ADAMTS16: variants seen among roughly 807,000 people sequenced by gnomAD.
ADAMTS16 encodes ADAM metallopeptidase with thrombospondin type 1 motif 16.
In ADAMTS16, 94 loss-of-function variants were observed where a neutral mutation model predicts 145.8. The ratio of observed to expected loss-of-function variants is 0.64; its 90% confidence interval spans 0.55 to 0.77. The LOEUF (loss-of-function observed/expected upper bound fraction) is 0.77, where lower values mean the gene tolerates loss of function less well. Ranked by LOEUF, ADAMTS16 falls within the 30% of genes least tolerant of loss-of-function variation. The pLI, the probability that ADAMTS16 is intolerant of heterozygous loss-of-function variation, is 0.00. For missense variants in ADAMTS16, 1,585 were observed against 1,591.5 expected, an observed-to-expected ratio of 1.00 and a Z score of 0.07; for synonymous variants, 659 against 604.3, an observed-to-expected ratio of 1.09 and a Z score of -1.33.
At chr5:5,268,838 C>T (rs1738357284) in intron 18 of ADAMTS16, among the ~76,000 whole-genome samples, 1 of 152,176 alleles carries the variant, frequency 6.6e-6, no homozygotes, top group Non-Finnish European at 1.5e-5. Context: ...GCTGCAGCCC[C>T]TCAGGCAGGG....
intron 7 of ADAMTS16, 55 bp from the exon 8 acceptor site, chr5:5,191,630 T>C: frequency 1.4e-6 from 2 of 1,381,088 alleles, no homozygotes; most frequent in South Asian, 1.2e-5. Flanking sequence ...AAATATACTA[T>C]GCTTTATTTT....
At chr5:5,149,362 T>G (rs1052100892) in intron 3 of ADAMTS16, among the ~76,000 whole-genome samples, 1 of 152,140 alleles carries the variant, frequency 6.6e-6, no homozygotes, top group Admixed American at 6.5e-5. Flanking sequence ...AGTACTTGGT[T>G]AAATAATGGA....
rs372773079 is a variant in ADAMTS16, at chr5:5,222,839, T to C, written c.1656T>C (p.Thr552=). Reference sequence around the variant, plus strand: ...ATCGTATTGGAAGGAAATGTGAGACTAAATTTATGCCAGCAGCAGAAGGCA... The same window carrying C: ...ATCGTATTGGAAGGAAATGTGAGACCAAATTTATGCCAGCAGCAGAAGGCA... ...WCHRIGRKCE[T]KFMPAAEGTI... Residue 552 remains threonine, a synonymous_variant, in exon 11 of 23, where the codon ACT becomes ACC. Coordinates refer to ENST00000274181, the MANE Select transcript of ADAMTS16 (RefSeq NM_139056.4). The C allele has an allele frequency of 1.6e-5, 26 of 1,614,080 alleles. No individual in the cohort carries two copies. The highest frequency in any genetic ancestry group is 2.2e-5 in the Non-Finnish European group (26 of 1,180,020).
intron 17 of ADAMTS16, among the ~76,000 whole-genome samples, chr5:5,253,809 AC>A (rs1737701373): frequency 6.6e-6 from 1 of 152,154 alleles, no homozygotes; most frequent in South Asian, 2.1e-4. Flanking sequence ...ACAGCTGGTC[AC>A]TGCTCCCTTG....
chr5:5,195,580 G>A (rs922097763), intron 8 of ADAMTS16, among the ~76,000 whole-genome samples: 3 of 152,188 alleles, frequency 2.0e-5, no homozygotes, highest in Non-Finnish European at 1.5e-5. Flanking sequence ...AATTTAGGTT[G>A]CATTATTTGA....
At chr5:5,248,163 T>C (rs1737512616) in intron 17 of ADAMTS16, among the ~76,000 whole-genome samples, 1 of 152,268 alleles carries the variant, frequency 6.6e-6, no homozygotes, top group South Asian at 2.1e-4. Flanking sequence ...TTTTTTCTTT[T>C]TCTTTATAAA....
At chr5:5,193,569 G>A (rs867136348) in intron 8 of ADAMTS16, among the ~76,000 whole-genome samples, 27 of 152,148 alleles carry the variant, frequency 1.8e-4, no homozygotes, top group African/African-American at 6.5e-4. Context: ...TTGAGATATG[G>A]GAATTGGCAG....
At chr5:5,294,931 G>A (rs1456735646) in intron 18 of ADAMTS16, among the ~76,000 whole-genome samples, 2 of 152,092 alleles carry the variant, frequency 1.3e-5, no homozygotes, top group African/African-American at 2.4e-5. Context: ...GTGCAGAGAG[G>A]ATGCAGGTGT....
At chr5:5,222,943 A>G (rs781494733) in intron 11 of ADAMTS16, 59 bp downstream of exon 11, 97 of 1,501,550 alleles carry the variant, frequency 6.5e-5, no homozygotes, top group Non-Finnish European at 8.7e-5. Context: ...CAACCCATGC[A>G]TCTTTGCTCC....
At position 5,282,832 on chromosome 5, in the gene ADAMTS16, T is replaced by G. The variant is rs1235177420; in HGVS notation, c.2789+20049T>G. Among the ~76,000 whole-genome samples, 3 of 152,236 alleles carry G rather than the reference T, an allele frequency of 2.0e-5. No individual in the cohort carries two copies. In the East Asian group the frequency reaches 5.8e-4, roughly 29 times the overall value. On this transcript the variant is annotated intron_variant, in intron 18 of 22. Transcript: ENST00000274181. ...CCTATCAGAAACCATTTTAAAAAAT[T>G]TTTACTTTAGTCACTGTTTTTTTCA...
At chr5:5,152,330 G>T (rs1734492657) in intron 3 of ADAMTS16, among the ~76,000 whole-genome samples, 1 of 152,212 alleles carries the variant, frequency 6.6e-6, no homozygotes, top group Non-Finnish European at 1.5e-5. Context: ...TGTCTTCCCT[G>T]GTTGTGCTTC....
intron 18 of ADAMTS16, among the ~76,000 whole-genome samples, chr5:5,295,619 G>A (rs1335842204): frequency 6.6e-6 from 1 of 152,200 alleles, no homozygotes; most frequent in Admixed American, 6.5e-5. Context: ...AGTCTCATGT[G>A]TCAGCTCAGA....
chr5:5,255,937 T>C (rs1001801819), intron 17 of ADAMTS16, among the ~76,000 whole-genome samples: 1 of 152,236 alleles, frequency 6.6e-6, no homozygotes, highest in Non-Finnish European at 1.5e-5. Flanking sequence ...TTTAAGGCCA[T>C]GAATTGTCCT....
intron 12 of ADAMTS16, among the ~76,000 whole-genome samples, chr5:5,233,045 T>A (rs1736987324): frequency 6.8e-6 from 1 of 145,990 alleles, no homozygotes; most frequent in South Asian, 2.3e-4. Context: ...AGCAAAAAAA[T>A]AACAGCAGCA....
At chr5:5,171,195 C>G (rs779773494) in intron 3 of ADAMTS16, among the ~76,000 whole-genome samples, 1 of 151,854 alleles carries the variant, frequency 6.6e-6, no homozygotes, top group African/African-American at 2.4e-5. Context: ...TTTTTCAAAT[C>G]TAAGATTATT....
chr5:5,231,886 G>A (rs139212915), intron 11 of ADAMTS16, among the ~76,000 whole-genome samples: 25 of 152,260 alleles, frequency 1.6e-4, no homozygotes, highest in African/African-American at 6.0e-4. Context: ...CCGAGCCCAG[G>A]TGCTTTGGGG....
At position 5,240,179 on chromosome 5, in the gene ADAMTS16, C is replaced by T. The variant is rs528532314; in HGVS notation, c.2523+254C>T. Among the ~76,000 whole-genome samples the T allele has an allele frequency of 3.9e-5, 6 of 152,272 alleles. No individual in the cohort carries two copies. In the South Asian group the frequency reaches 1.2e-3, roughly 32 times the overall value. ...AGCAGTAGGTGTTTGCAGAAGTCTT[C>T]TTCTGTCCTGTAAGCTCGATGGCTG... On this transcript the variant is annotated intron_variant, in intron 16 of 22. Coordinates refer to ENST00000274181, the MANE Select transcript of ADAMTS16 (RefSeq NM_139056.4).
chr5:5,239,111 T>G, intron 14 of ADAMTS16, 40 bp from the exon 15 acceptor site: 1 of 1,458,450 alleles, frequency 6.9e-7, no homozygotes. Context: ...TGTGTTGTCC[T>G]TTCTTTCATG....
intron 11 of ADAMTS16, among the ~76,000 whole-genome samples, chr5:5,228,153 A>G (rs1439340580): frequency 1.3e-5 from 2 of 152,244 alleles, no homozygotes; most frequent in Non-Finnish European, 1.5e-5. Flanking sequence ...CAAAGGCAGA[A>G]TGAAACATTT....
Sources: allele counts gnomAD v4.1 joint callset (sites outside exome capture counted in the v4.1 genomes callset), GRCh38; gene constraint gnomAD v4.1.1; transcripts MANE v1.5; gene names NCBI Gene and HGNC (gene_info 2026-07-23, HGNC 2026-07-21).